Variants in FGFR2 observed in about 807,000 individuals in gnomAD.
FGFR2 encodes the protein BEK fibroblast growth factor receptor.
In FGFR2, 19 loss-of-function variants were observed where a neutral mutation model predicts 95.9. The ratio of observed to expected loss-of-function variants is 0.20; its 90% CI spans 0.14 to 0.29. FGFR2 has a LOEUF of 0.29. Among genes scored for constraint, FGFR2 ranks in the 10% least tolerant of loss-of-function variants. FGFR2 has a pLI of 1.00. For missense variants in FGFR2, 707 were observed against 1,056.9 expected (o/e 0.67, Z 4.59); for synonymous variants, 392 against 393.3 (o/e 1.00, Z 0.04).
chr10:121,489,627 TC>T (rs1380999156), intron 13 of FGFR2, among the ~76,000 whole-genome samples: 1 of 152,202 alleles, frequency 6.6e-6, no homozygotes, highest in Non-Finnish European at 1.5e-5. Flanking sequence ...ATGGGACACT[TC>T]CCCACTGACA....
intron 2 of FGFR2, among the ~76,000 whole-genome samples, chr10:121,570,071 C>T (rs947032768): frequency 1.1e-4 from 17 of 152,204 alleles, no homozygotes; most frequent in African/African-American, 3.9e-4. Context: ...CACCCAGTGG[C>T]CCCCCAAGCC....
chr10:121,534,081 C>T (rs1481975041), intron 6 of FGFR2, among the ~76,000 whole-genome samples: 1 of 149,288 alleles, frequency 6.7e-6, no homozygotes, highest in African/African-American at 2.5e-5. Context: ...GTCTGTAGGT[C>T]CCAAAATGGC....
In FGFR2 at chr10:121,598,421, C is replaced by G. The variant is rs1415781305; in HGVS notation, c.-610G>C. 1 of 155,502 alleles carries G rather than the reference C, an allele frequency of 6.4e-6. No homozygotes were observed. The highest frequency in any genetic ancestry group is 1.4e-5 in the Non-Finnish European group (1 of 70,692). 9.6% of individuals were successfully genotyped at this position (155,502 alleles called of 1,614,324 possible). On this transcript the variant is annotated 5_prime_UTR_variant, in exon 1 of 18. Coordinates refer to ENST00000358487, the MANE Select transcript of FGFR2 (RefSeq NM_000141.5). ...GCCCGCTCCGCACCCGCCGCCCGCC[C>G]GCTCGGCTCTCCACCGCGCTCTCCT...
Position 121,489,577 on chromosome 10 carries a change from A to G in FGFR2, c.1864-1464T>C, listed in dbSNP as rs1326522474. ...TGCGCAAGTTCGTATCTCCATCATG[A>G]CCTCCCTCCTGAGACCCATGTTCTC... On this transcript the variant is annotated intron_variant, in intron 13 of 17. Coordinates refer to ENST00000358487, the MANE Select transcript of FGFR2 (RefSeq NM_000141.5). Among the ~76,000 whole-genome samples, 3 of 151,600 alleles carry G rather than the reference A, an allele frequency of 2.0e-5. No individual in the cohort carries two copies. The East Asian group carries it at 5.8e-4, about 29-fold the overall frequency.
At chr10:121,524,144 A>ACC (rs1354372561) in intron 6 of FGFR2, among the ~76,000 whole-genome samples, 3 of 129,166 alleles carry the variant, frequency 2.3e-5, no homozygotes, top group South Asian at 2.5e-4. Flanking sequence ...ACACACACAC[A>ACC]CACCCCAAGT....
intron 4 of FGFR2, among the ~76,000 whole-genome samples, chr10:121,554,833 G>C (rs1855901427): frequency 6.6e-6 from 1 of 152,090 alleles, no homozygotes; most frequent in African/African-American, 2.4e-5. Flanking sequence ...CAGTTGGAAA[G>C]GACACACATG....
chr10:121,564,062 CTCTGT>C (rs1295477654), intron 4 of FGFR2, among the ~76,000 whole-genome samples: 2 of 152,222 alleles, frequency 1.3e-5, no homozygotes, highest in African/African-American at 4.8e-5. Context: ...CACCCCCTCC[CTCTGT>C]TGTGACAACC....
chr10:121,530,392 G>A (rs1421955209), intron 6 of FGFR2: 2 of 152,336 alleles, frequency 1.3e-5, no homozygotes, highest in Non-Finnish European at 2.9e-5. Flanking sequence ...GGAGGCCTGC[G>A]CGGGCAGATC....
Position 121,478,880 on chromosome 10 carries a change from G to C in FGFR2, c.*977C>G, listed in dbSNP as rs1208202762. 4.3e-6 allele frequency: 1 copy of C among 233,432 alleles called. No individual in the cohort carries two copies. The highest frequency in any genetic ancestry group is 6.0e-5 in the East Asian group (1 of 16,576). The allele number at this position is 233,432 out of a possible 1,614,324, so 14.5% of individuals were successfully genotyped here. On this transcript the variant is annotated 3_prime_UTR_variant, in exon 18 of 18. Transcript: ENST00000358487. ...GTCTGTCCTCAAGGAATGGATTAAG[G>C]CATCTTTTAAGAGGACGCTGGTACC...
chr10:121,533,649 G>A (rs1852390967), intron 6 of FGFR2, among the ~76,000 whole-genome samples: 1 of 152,218 alleles, frequency 6.6e-6, no homozygotes, highest in African/African-American at 2.4e-5. Flanking sequence ...TCTGTCTTCT[G>A]CAGCAAAGAA....
chr10:121,563,583 G>A (rs1331839033), intron 4 of FGFR2, among the ~76,000 whole-genome samples: 1 of 152,144 alleles, frequency 6.6e-6, no homozygotes, highest in Non-Finnish European at 1.5e-5. Flanking sequence ...TGTATTTTGT[G>A]TATTGAATAA....
intron 2 of FGFR2, chr10:121,583,455 T>C (rs1318055617): frequency 2.0e-5 from 3 of 152,282 alleles, no homozygotes; most frequent in East Asian, 1.9e-4. Flanking sequence ...CTTCTTGTTA[T>C]GGACTCCTAC....
In FGFR2 at chr10:121,518,546, G is replaced by A. The variant is rs919136513; in HGVS notation, c.940-1083C>T. Reference sequence around the variant, plus strand: ...GCATCATACCAGCTGCATCACCGAAGAAAGATTATTATAAATATACCAAGG... The same window carrying A: ...GCATCATACCAGCTGCATCACCGAAAAAAGATTATTATAAATATACCAAGG... On this transcript the variant is annotated intron_variant, in intron 7 of 17. Coordinates refer to ENST00000358487, the MANE Select transcript of FGFR2 (RefSeq NM_000141.5). This position sits in a 1 kb window ranked among gnomAD's most constrained non-coding sequence, Gnocchi z 4.0. 3.0e-6 allele frequency: 3 copies of A among 986,906 alleles called. No homozygotes were observed. Among genetic ancestry groups the A allele is most frequent in the Non-Finnish European group, 4.4e-6 (3 of 675,074 alleles). The allele number at this position is 986,906 out of a possible 1,614,324, so 61.1% of individuals were successfully genotyped here.
rs2133943967 is a variant in FGFR2, at chr10:121,496,698, T to A, written c.1697A>T (p.Tyr566Phe). ...TTCTCGGAGGTTGCCTTTAGAGGCATACTCAACTATGACATAGAGAGGCCC... is the reference window on the plus strand; with the variant it reads ...TTCTCGGAGGTTGCCTTTAGAGGCAAACTCAACTATGACATAGAGAGGCCC... ...QDGPLYVIVE[Y>F]ASKGNLREYL... The change falls in exon 13 of 18, where the codon TAT becomes TTT. Residue 566 changes from tyrosine (Y) to phenylalanine (F), a missense_variant. Around this residue, in one of 7 missense-constraint regions of FGFR2, gnomAD observed 194 missense variants for 267.3 expected, o/e 0.73. Coordinates refer to ENST00000358487, the MANE Select transcript of FGFR2 (RefSeq NM_000141.5). The A allele has an allele frequency of 6.2e-7, 1 of 1,610,916 alleles. No individual in the cohort carries two copies. The highest frequency in any genetic ancestry group is 8.5e-7 in the Non-Finnish European group (1 of 1,179,700).
intron 2 of FGFR2, among the ~76,000 whole-genome samples, chr10:121,567,141 C>A (rs1053579853): frequency 3.3e-5 from 5 of 152,156 alleles, no homozygotes; most frequent in African/African-American, 1.2e-4. Context: ...GAACAAATCT[C>A]CCACAGGAGA....
At chr10:121,492,576 G>T (rs1846281071) in intron 13 of FGFR2, among the ~76,000 whole-genome samples, 2 of 152,190 alleles carry the variant, frequency 1.3e-5, no homozygotes, top group South Asian at 4.1e-4. Flanking sequence ...TCTCTCACAA[G>T]CCCATGGCTC....
At chr10:121,534,587 G>A (rs1252543410) in intron 6 of FGFR2, among the ~76,000 whole-genome samples, 1 of 151,702 alleles carries the variant, frequency 6.6e-6, no homozygotes, top group East Asian at 1.9e-4. Flanking sequence ...GTAGAAACGA[G>A]GTTTCACCAT....
intron 6 of FGFR2, among the ~76,000 whole-genome samples, chr10:121,530,707 T>C (rs1423844601): frequency 6.6e-6 from 1 of 152,250 alleles, no homozygotes; most frequent in African/African-American, 2.4e-5. Flanking sequence ...AGAGAAACTC[T>C]AATTTCTTGC....
At chr10:121,488,561 AAAG>A (rs1388454911) in intron 13 of FGFR2, among the ~76,000 whole-genome samples, 1 of 147,134 alleles carries the variant, frequency 6.8e-6, no homozygotes, top group Non-Finnish European at 1.5e-5. Flanking sequence ...AAAAAAAAAG[AAAG>A]AAAAGAAAAG....
Sources: gnomAD v4.1 joint callset for allele counts (sites outside exome capture counted in the v4.1 genomes callset) on GRCh38, gnomAD v4.1.1 for gene constraint, gnomAD v4.1.1 regional missense constraint, Gnocchi (gnomAD v3.1) non-coding constraint, MANE v1.5 for transcripts, NCBI Gene and HGNC (gene_info 2026-07-23, HGNC 2026-07-21) for gene names.